SPON1: variants seen among roughly 807,000 people sequenced by gnomAD.
The protein encoded by SPON1 is spondin 1, also known as spondin-1.
SPON1 carries 52 observed loss-of-function variants against 111.7 expected under a neutral mutation model. That is an observed-to-expected ratio of 0.47 (90% CI 0.37 to 0.59). The LOEUF (loss-of-function observed/expected upper bound fraction) is 0.59, where lower values mean the gene tolerates loss of function less well. Among genes scored for constraint, SPON1 ranks in the 20% least tolerant of loss-of-function variants. The pLI is 0.00. For synonymous variants in SPON1, 410 were observed against 395.8 expected (o/e 1.04, Z -0.43); for missense variants, 957 against 1,068.5 (o/e 0.90, Z 1.46).
chr11:13,971,444 A>T (rs1247304394), intron 1 of SPON1, among the ~76,000 whole-genome samples: 1 of 152,194 alleles, frequency 6.6e-6, no homozygotes, highest in Non-Finnish European at 1.5e-5. Context: ...TTAAAGTGAC[A>T]TTCCCTAGAA....
At chr11:14,215,485 G>A (rs914217436) in intron 6 of SPON1, among the ~76,000 whole-genome samples, 1 of 152,144 alleles carries the variant, frequency 6.6e-6, no homozygotes, top group Non-Finnish European at 1.5e-5. Context: ...TCTTCAGCAT[G>A]GTGGTCTCAG....
At chr11:14,097,361 T>C (rs563570782) in intron 5 of SPON1, among the ~76,000 whole-genome samples, 4 of 152,340 alleles carry the variant, frequency 2.6e-5, no homozygotes, top group African/African-American at 9.6e-5. Flanking sequence ...ATTTTAATTT[T>C]TTCTAAATGA....
At chr11:14,202,480 G>C (rs1227838195) in intron 6 of SPON1, among the ~76,000 whole-genome samples, 1 of 152,166 alleles carries the variant, frequency 6.6e-6, no homozygotes, top group Non-Finnish European at 1.5e-5. Context: ...CAGGACAGTG[G>C]GGAAGGGAGG....
intron 14 of SPON1, 59 bp from the exon 15 acceptor site, chr11:14,262,653 G>C: frequency 6.3e-7 from 1 of 1,598,674 alleles, no homozygotes; most frequent in Non-Finnish European, 8.5e-7. Context: ...TCAAAGGAGA[G>C]CGTGACCATA....
intron 5 of SPON1, among the ~76,000 whole-genome samples, chr11:14,118,829 C>T (rs1247665131): frequency 6.6e-6 from 1 of 152,182 alleles, no homozygotes; most frequent in Non-Finnish European, 1.5e-5. Context: ...AATGGCAAAT[C>T]TCAGCCCTGC....
rs782106299 is a variant in SPON1, at chr11:14,259,692, C to T, written c.1822C>T (p.Pro608Ser). The T allele has an allele frequency of 1.9e-6, 3 of 1,572,770 alleles. No individual in the cohort carries two copies. The South Asian group carries it at 3.5e-5, about 18-fold the overall frequency. The change falls in exon 13 of 16, where the codon CCA (proline) becomes TCA (serine). Residue 608 changes from proline (P) to serine (S), a missense_variant. Coordinates refer to ENST00000576479, the MANE Select transcript of SPON1 (RefSeq NM_006108.4). This position sits in a 1 kb window ranked among gnomAD's most constrained non-coding sequence, Gnocchi z 5.0. The part of the protein sequence containing the change: ...ETSQAEKCMM[P>S]ECHTIPCLLS... ...ATCACAGGCAGAGAAGTGCATGATG[C>T]CAGAGTGCCGTGAGTGAGAGCGGGG...
At chr11:14,217,614 G>A (rs917157025) in intron 6 of SPON1, among the ~76,000 whole-genome samples, 17 of 151,614 alleles carry the variant, frequency 1.1e-4, no homozygotes, top group African/African-American at 4.1e-4. Flanking sequence ...CACTTTTATT[G>A]AAGACAGTAT....
chr11:14,193,772 A>T (rs1279794228), intron 6 of SPON1, among the ~76,000 whole-genome samples: 1 of 152,138 alleles, frequency 6.6e-6, no homozygotes, highest in Non-Finnish European at 1.5e-5. Flanking sequence ...CCTCTCAGAC[A>T]GTCTATACTC....
rs1848030357 is a variant in SPON1, at chr11:13,967,797, TA to T, written c.238+4656del. 2.0e-5 allele frequency among the ~76,000 whole-genome samples: 3 copies of T among 152,086 alleles called. No individual in the cohort carries two copies. The South Asian group carries it at 6.2e-4, about 31-fold the overall frequency. ...TTTGCACCATTCCCTGCTTTTTTGT[TA>T]TGTAACTATTTCTAACCATTACTTA... On this transcript the variant is annotated intron_variant, in intron 1 of 15. Transcript: ENST00000576479.
intron 5 of SPON1, among the ~76,000 whole-genome samples, chr11:14,134,654 T>G (rs1478959166): frequency 4.6e-5 from 7 of 152,200 alleles, no homozygotes; most frequent in Admixed American, 3.3e-4. Flanking sequence ...CCCCACACAT[T>G]TCTTTTATCT....
At chr11:14,098,485 G>A (rs545656371) in intron 5 of SPON1, among the ~76,000 whole-genome samples, 12 of 152,052 alleles carry the variant, frequency 7.9e-5, no homozygotes, top group African/African-American at 1.2e-4. Flanking sequence ...TATTCACAAA[G>A]CATTATATTT....
intron 5 of SPON1, among the ~76,000 whole-genome samples, chr11:14,121,572 T>C (rs1246237517): frequency 6.6e-6 from 1 of 152,100 alleles, no homozygotes; most frequent in African/African-American, 2.4e-5. Flanking sequence ...AAAGCATTGA[T>C]GGAAGATTTT....
At chr11:14,062,535 G>A (rs560337387) in intron 3 of SPON1, among the ~76,000 whole-genome samples, 2 of 152,246 alleles carry the variant, frequency 1.3e-5, no homozygotes, top group African/African-American at 4.8e-5. Context: ...TCATCTCTAG[G>A]GGAGCTTGAA....
chr11:14,222,306 C>T (rs769722836), intron 6 of SPON1, among the ~76,000 whole-genome samples: 4 of 152,230 alleles, frequency 2.6e-5, no homozygotes, highest in Non-Finnish European at 5.9e-5. Context: ...CGTCACATGA[C>T]AGGGGACCTG....
chr11:14,259,815 C>A lies in SPON1; in HGVS notation c.1831+114C>A. On this transcript the variant is annotated intron_variant, in intron 13 of 15. Transcript: ENST00000576479. This position sits in a 1 kb window ranked among gnomAD's most constrained non-coding sequence, Gnocchi z 5.0. ...GAGGCTGAGCAGAGGAAAGCATGGC[C>A]CATGGTCCTTGCTGGGCACTGCTGG... The A allele has an allele frequency of 8.2e-7, 1 of 1,220,630 alleles. No individual in the cohort carries two copies. Among genetic ancestry groups the A allele is most frequent in the Non-Finnish European group, 1.1e-6 (1 of 879,066 alleles). 75.6% of individuals were successfully genotyped at this position (1,220,630 alleles called of 1,614,324 possible).
Position 14,259,751 on chromosome 11 carries a change from G to A in SPON1, c.1831+50G>A, listed in dbSNP as rs1554941730. The A allele has an allele frequency of 6.6e-7, 1 of 1,521,008 alleles. No individual in the cohort carries two copies. The highest frequency in any genetic ancestry group is 2.0e-5 in the Admixed American group (1 of 49,816). The allele number at this position is 1,521,008 out of a possible 1,614,324, so 94.2% of individuals were successfully genotyped here. On this transcript the variant is annotated intron_variant, in intron 13 of 15. Transcript: ENST00000576479. The surrounding 1 kb of genome is among the most constrained non-coding windows in gnomAD (Gnocchi z 5.0). Reference sequence around the variant, plus strand: ...GGAGGAGGCCACTGGGGACAGGCGTGGAGGGCCATGGCATCCACTATTACC... The same window carrying A: ...GGAGGAGGCCACTGGGGACAGGCGTAGAGGGCCATGGCATCCACTATTACC...
chr11:13,996,691 T>C (rs1021311094), intron 2 of SPON1, among the ~76,000 whole-genome samples: 1 of 151,002 alleles, frequency 6.6e-6, no homozygotes, highest in African/African-American at 2.5e-5. Flanking sequence ...ATATATTATA[T>C]AGAAAACACA....
intron 7 of SPON1, among the ~76,000 whole-genome samples, chr11:14,245,007 T>C (rs1031909018): frequency 1.3e-5 from 2 of 152,144 alleles, no homozygotes; most frequent in South Asian, 2.1e-4. Flanking sequence ...CCCAAGAAGA[T>C]GGTTTACGAA....
rs750642710 is a variant in SPON1 at position 14,075,355 on chromosome 11, G to C, written c.490G>C (p.Val164Leu). The C allele has an allele frequency of 6.4e-7, 1 of 1,558,466 alleles. No individual in the cohort carries two copies. ...CTTCTTTCTTCACAGGGCCAGCATC[G>C]TACAAAAACGCATTATTTATTTTCA... Reference protein sequence around the residue: ...TGCVILKASIVQKRIIYFQDE... With the variant: ...TGCVILKASILQKRIIYFQDE... Residue 164 changes from valine to leucine, a missense_variant, in exon 4 of 16, where the codon GTA becomes CTA. Val to Leu is a conservative substitution (Grantham distance 32, BLOSUM62 1). This residue lies in a region of SPON1 where 262 missense variants were observed against 253.9 expected (regional missense o/e 1.03). Coordinates refer to ENST00000576479, the MANE Select transcript of SPON1 (RefSeq NM_006108.4).
Sources: gnomAD v4.1 joint callset for allele counts (sites outside exome capture counted in the v4.1 genomes callset) on GRCh38, gnomAD v4.1.1 for gene constraint, gnomAD v4.1.1 regional missense constraint, Gnocchi (gnomAD v3.1) non-coding constraint, MANE v1.5 for transcripts, NCBI Gene and HGNC (gene_info 2026-07-23, HGNC 2026-07-21) for gene names.